The following REPS2 variants were observed in gnomAD, a reference collection of about 807,000 sequenced individuals.
The protein encoded by REPS2 is ralBP1-associated Eps domain-containing protein 2.
Under a neutral mutation model 53.6 loss-of-function variants are expected in REPS2, and 23 were observed. The observed-to-expected ratio is 0.43, with a 90% CI of 0.31 to 0.61. The LOEUF is 0.61. Among genes scored for constraint, REPS2 ranks in the 20% least tolerant of loss-of-function variants. REPS2 has a pLI of 0.11. For missense variants in REPS2, 446 were observed against 534.9 expected, an observed-to-expected ratio of 0.83 and a Z score of 1.64; for synonymous variants, 238 against 218.6, an observed-to-expected ratio of 1.09 and a Z score of -0.78.
At chrX:17,184,932 A>G in the REPS2 span, among the ~76,000 whole-genome samples, 1 of 111,878 alleles carries the variant, frequency 8.9e-6, no homozygotes, top group African/African-American at 3.2e-5. Context: ...TGTCTTCCCC[A>G]TATCAGTTAG....
chrX:17,184,977 AC>A, the REPS2 span, among the ~76,000 whole-genome samples: 4 of 111,274 alleles, frequency 3.6e-5, no homozygotes, highest in African/African-American at 1.3e-4. Flanking sequence ...GTAACAGACT[AC>A]CCCAAAACTT....
At chrX:17,098,209 G>A (rs1284724301) in intron 13 of REPS2, among the ~76,000 whole-genome samples, 2 of 110,981 alleles carry the variant, frequency 1.8e-5, no homozygotes, top group African/African-American at 6.6e-5. Flanking sequence ...GGTCTGCAAG[G>A]GTGTTTTAAT....
At chrX:17,188,920 C>T in the REPS2 span, among the ~76,000 whole-genome samples, 1 of 111,949 alleles carries the variant, frequency 8.9e-6, no homozygotes, top group African/African-American at 3.2e-5. Context: ...ATTGTCTCAC[C>T]AACCTGTGAA....
At chrX:16,952,528 T>C (rs1456917381) in intron 1 of REPS2, among the ~76,000 whole-genome samples, 1 of 112,051 alleles carries the variant, frequency 8.9e-6, no homozygotes. Flanking sequence ...ACAGCTTTCA[T>C]TGAGGTAAAT....
chrX:17,062,481 T>C lies in REPS2; in HGVS notation c.1158T>C (p.Tyr386=), dbSNP rs776224581. 13 of 1,206,432 alleles carry C rather than the reference T, an allele frequency of 1.1e-5. No individual in the cohort carries two copies. In the South Asian group the frequency reaches 2.2e-4, roughly 20 times the overall value. ...GGGACTGTCAATTATTTGATTCTTA[T>C]TCTGAGTCACTGCCGGCAAATCAAC... is the stretch of plus-strand genomic sequence containing the variant. ...PKWDCQLFDS[Y]SESLPANQQP... The change falls in exon 9 of 18, where the codon TAT becomes TAC. Residue 386 remains tyrosine (Y), a synonymous_variant. Coordinates refer to ENST00000357277, the MANE Select transcript of REPS2 (RefSeq NM_004726.3).
the REPS2 span, among the ~76,000 whole-genome samples, chrX:17,159,828 A>G: frequency 1.3e-4 from 14 of 111,918 alleles, no homozygotes; most frequent in South Asian, 1.5e-3. Flanking sequence ...TGGGCAAACA[A>G]GTTGGCCAAA....
intron 7 of REPS2, among the ~76,000 whole-genome samples, chrX:17,054,325 C>T (rs867897024): frequency 5.3e-5 from 6 of 112,781 alleles, no homozygotes; most frequent in Admixed American, 9.4e-5. Context: ...GAAAAGTTCA[C>T]GGTTTTCCTT....
intron 1 of REPS2, among the ~76,000 whole-genome samples, chrX:16,979,173 A>T (rs746675700): frequency 1.5e-4 from 17 of 111,924 alleles, no homozygotes; most frequent in Non-Finnish European, 3.0e-4. Context: ...GAGTGCTCAG[A>T]TTATAGATTT....
the REPS2 span, among the ~76,000 whole-genome samples, chrX:17,169,777 G>A: frequency 8.9e-6 from 1 of 112,579 alleles, no homozygotes; most frequent in African/African-American, 3.2e-5. Context: ...TTTTGCCAGG[G>A]AGGGTCTACC....
At chrX:17,175,348 C>T in the REPS2 span, among the ~76,000 whole-genome samples, 1 of 112,480 alleles carries the variant, frequency 8.9e-6, no homozygotes, top group African/African-American at 3.2e-5. Flanking sequence ...GAATTAGACA[C>T]GGTTATCTCC....
At chrX:17,164,233 CATT>C in the REPS2 span, among the ~76,000 whole-genome samples, 7 of 109,473 alleles carry the variant, frequency 6.4e-5, no homozygotes, top group Non-Finnish European at 1.3e-4. Context: ...GTAGATCTCA[CATT>C]ATTAATAATT....
the REPS2 span, among the ~76,000 whole-genome samples, chrX:17,185,079 C>T: frequency 6.3e-5 from 7 of 110,527 alleles, no homozygotes; most frequent in Non-Finnish European, 1.1e-4. Context: ...TCTGCTTGGG[C>T]GAGGGTTGGC....
At chrX:16,990,217 T>C (rs1050722542) in intron 1 of REPS2, among the ~76,000 whole-genome samples, 5 of 111,903 alleles carry the variant, frequency 4.5e-5, no homozygotes, top group African/African-American at 9.7e-5. Flanking sequence ...TCCATTTATG[T>C]AACATTCTTG....
At chrX:17,082,335 G>T (rs897899310) in intron 13 of REPS2, among the ~76,000 whole-genome samples, 5 of 112,692 alleles carry the variant, frequency 4.4e-5, no homozygotes, top group African/African-American at 1.6e-4. Flanking sequence ...AGACCTAGTT[G>T]CCAGGCAGCT....
intron 10 of REPS2, among the ~76,000 whole-genome samples, chrX:17,069,525 G>C (rs1282052950): frequency 8.9e-6 from 1 of 112,184 alleles, no homozygotes; most frequent in Non-Finnish European, 1.9e-5. Flanking sequence ...CGTGTACTCT[G>C]ACCATTCTCC....
chrX:16,988,148 G>C (rs187469560), intron 1 of REPS2, among the ~76,000 whole-genome samples: 5 of 111,466 alleles, frequency 4.5e-5, no homozygotes, highest in Admixed American at 9.6e-5. Context: ...AGGGTGTTAT[G>C]GTGCATGTCT....
intron 9 of REPS2, among the ~76,000 whole-genome samples, chrX:17,062,919 G>A (rs1385563829): frequency 8.9e-6 from 1 of 112,008 alleles, no homozygotes; most frequent in East Asian, 2.8e-4. Context: ...GCATTAATAA[G>A]CTATACTGAA....
At chrX:17,049,327 C>T (rs1489612816) in intron 6 of REPS2, among the ~76,000 whole-genome samples, 3 of 111,984 alleles carry the variant, frequency 2.7e-5, no homozygotes, top group Non-Finnish European at 5.6e-5. Context: ...TCCTAGGAGG[C>T]GGCAGCTACC....
intron 1 of REPS2, among the ~76,000 whole-genome samples, chrX:16,949,561 C>A (rs1282507878): frequency 9.0e-6 from 1 of 111,477 alleles, no homozygotes; most frequent in Admixed American, 9.5e-5. Context: ...GCGCACGCCA[C>A]CTCTCCCGGC....
Sources: allele counts gnomAD v4.1 joint callset (sites outside exome capture counted in the v4.1 genomes callset), GRCh38; gene constraint gnomAD v4.1.1; transcripts MANE v1.5; gene names NCBI Gene and HGNC (gene_info 2026-07-23, HGNC 2026-07-21).